Variants in TIAM1 observed in about 807,000 individuals in gnomAD.
TIAM1 encodes TIAM Rac1 associated GEF 1, also known as rho guanine nucleotide exchange factor TIAM1.
In TIAM1, 65 loss-of-function variants were observed where a neutral mutation model predicts 163.5. The observed-to-expected ratio is 0.40, with a 90% CI of 0.33 to 0.49. The LOEUF (loss-of-function observed/expected upper bound fraction) is 0.49, where lower values mean the gene tolerates loss of function less well. TIAM1 is among the 20% of genes least tolerant of loss of function. The pLI, the probability that TIAM1 is intolerant of heterozygous loss-of-function variation, is 0.77. For synonymous variants in TIAM1, 833 were observed against 810.1 expected (o/e 1.03, Z -0.48); for missense variants, 1,789 against 2,044.7 (o/e 0.87, Z 2.41).
intron 13 of TIAM1, among the ~76,000 whole-genome samples, chr21:31,194,069 C>A (rs938379874): frequency 2.0e-5 from 3 of 152,128 alleles, no homozygotes; most frequent in Non-Finnish European, 2.9e-5. Context: ...CATTCCGCCG[C>A]TGGCCGGAAG....
chr21:31,292,167 G>A (rs770908620), intron 2 of TIAM1, among the ~76,000 whole-genome samples: 4 of 152,162 alleles, frequency 2.6e-5, no homozygotes, highest in Non-Finnish European at 5.9e-5. Context: ...CTGCAGGTTT[G>A]TGCTGGGAAT....
intron 15 of TIAM1, among the ~76,000 whole-genome samples, chr21:31,178,628 A>G (rs2084877874): frequency 6.6e-6 from 1 of 151,684 alleles, no homozygotes; most frequent in Non-Finnish European, 1.5e-5. Flanking sequence ...GAAATTTACT[A>G]ATTTTGAAGC....
At chr21:31,228,227 A>T (rs2088126569) in intron 6 of TIAM1, among the ~76,000 whole-genome samples, 2 of 25,810 alleles carry the variant, frequency 7.7e-5, no homozygotes, top group Non-Finnish European at 1.4e-4. Context: ...TTTTAAAAAA[A>T]AAAAAAAAAA....
intron 1 of TIAM1, among the ~76,000 whole-genome samples, chr21:31,519,831 G>T (rs952225261): frequency 1.3e-5 from 2 of 152,162 alleles, no homozygotes; most frequent in African/African-American, 2.4e-5. Context: ...ACTTACATGA[G>T]GTCCCTAGAG....
intron 2 of TIAM1, among the ~76,000 whole-genome samples, chr21:31,386,073 G>T (rs1310461721): frequency 6.6e-6 from 1 of 152,018 alleles, no homozygotes; most frequent in Admixed American, 6.6e-5. Context: ...AAGCAAGGAC[G>T]AAGGTGGTGG....
intron 22 of TIAM1, among the ~76,000 whole-genome samples, chr21:31,137,706 T>C (rs536209961): frequency 1.3e-5 from 2 of 151,378 alleles, no homozygotes; most frequent in African/African-American, 4.9e-5. Context: ...CCGGATGACT[T>C]TGGGTGTAGG....
intron 2 of TIAM1, among the ~76,000 whole-genome samples, chr21:31,361,339 T>C (rs1270100579): frequency 6.6e-6 from 1 of 152,294 alleles, no homozygotes; most frequent in African/African-American, 2.4e-5. Flanking sequence ...AAGCACTAAA[T>C]GTGAGACAAG....
chr21:31,522,201 A>T (rs2047623392), intron 1 of TIAM1, among the ~76,000 whole-genome samples: 1 of 151,548 alleles, frequency 6.6e-6, no homozygotes, highest in East Asian at 2.0e-4. Context: ...TATTCTTAAT[A>T]ATTTTTAATT....
intron 16 of TIAM1, among the ~76,000 whole-genome samples, chr21:31,156,644 C>T (rs1280993769): frequency 1.3e-5 from 2 of 152,038 alleles, no homozygotes; most frequent in East Asian, 3.9e-4. Context: ...TCCATTTTAG[C>T]AAAAAATCTT....
At chr21:31,311,265 T>C (rs2074920111) in intron 2 of TIAM1, among the ~76,000 whole-genome samples, 1 of 152,108 alleles carries the variant, frequency 6.6e-6, no homozygotes, top group South Asian at 2.1e-4. Flanking sequence ...AGGGCCTGGA[T>C]TGGGCTGCCA....
At chr21:31,394,704 T>TCG (rs2077025525) in intron 2 of TIAM1, among the ~76,000 whole-genome samples, 3 of 93,560 alleles carry the variant, frequency 3.2e-5, no homozygotes, top group South Asian at 7.8e-4. Flanking sequence ...TCTCTCTCTC[T>TCG]CTCGCTCTCT....
intron 22 of TIAM1, 55 bp from the exon 23 acceptor site, chr21:31,136,096 T>G: frequency 7.0e-7 from 1 of 1,433,164 alleles, no homozygotes; most frequent in Non-Finnish European, 9.7e-7. Flanking sequence ...ATACTCAGAT[T>G]TTCATGATGT....
intron 1 of TIAM1, among the ~76,000 whole-genome samples, chr21:31,501,586 TTTTG>T (rs61313235): frequency 0.41 from 61,736 of 150,566 alleles, 13,239 homozygotes; most frequent in African/African-American, 0.52. Flanking sequence ...ATGAAGTGGT[TTTTG>T]TTTGTTTGTT....
chr21:31,141,110 A>G lies in TIAM1; in HGVS notation c.3774+8T>C. ...TGACAGATGTCCTGAGAAGATGGGG[A>G]CCCTCACCTCTTTTTTCTCACCAGT... On this transcript the variant is annotated splice_region_variant and intron_variant, in intron 22 of 27. Coordinates refer to ENST00000541036, the MANE Select transcript of TIAM1 (RefSeq NM_001353694.2). This position sits in a 1 kb window ranked among gnomAD's most constrained non-coding sequence, Gnocchi z 4.7. The G allele has an allele frequency of 1.3e-6, 2 of 1,584,496 alleles. No individual in the cohort carries two copies. Among genetic ancestry groups the G allele is most frequent in the Non-Finnish European group, 1.7e-6 (2 of 1,154,970 alleles).
chr21:31,388,397 T>C (rs1254593350), intron 2 of TIAM1, among the ~76,000 whole-genome samples: 1 of 151,746 alleles, frequency 6.6e-6, no homozygotes, highest in African/African-American at 2.4e-5. Flanking sequence ...GCCCAACACT[T>C]TGGGAGGCTG....
At position 31,237,682 on chromosome 21, in the gene TIAM1, T is replaced by C. The variant is rs907671660; in HGVS notation, c.1584+7806A>G. Among the ~76,000 whole-genome samples, 13 of 152,336 alleles carry C rather than the reference T, an allele frequency of 8.5e-5. No individual in the cohort carries two copies. In the South Asian group the frequency reaches 1.4e-3, roughly 17 times the overall value. On this transcript the variant is annotated intron_variant, in intron 6 of 27. Coordinates refer to ENST00000541036, the MANE Select transcript of TIAM1 (RefSeq NM_001353694.2). ...AGAAAAGGCAATCAATTCCTAGAGA[T>C]AACATTTTCTATACCCCTTTAGATA...
rs1000923971 is a variant in TIAM1, at chr21:31,118,642, G to A, written c.*1726C>T. On this transcript the variant is annotated 3_prime_UTR_variant, in exon 28 of 28. Coordinates refer to ENST00000541036, the MANE Select transcript of TIAM1 (RefSeq NM_001353694.2). Reference sequence around the variant, plus strand: ...TTGCACTGGAGCCAGTAAATGCGACGATTAGAAGCCTCTGCTTCCGTTTTC... The same window carrying A: ...TTGCACTGGAGCCAGTAAATGCGACAATTAGAAGCCTCTGCTTCCGTTTTC... 1.3e-5 allele frequency: 6 copies of A among 471,026 alleles called. No homozygotes were observed. The highest frequency in any genetic ancestry group is 4.0e-5 in the African/African-American group (2 of 50,036). The allele number at this position is 471,026 out of a possible 1,614,324, so 29.2% of individuals were successfully genotyped here. A position where few individuals can be genotyped will look rare whatever the true frequency, so the allele number is the denominator to read the frequency against.
At chr21:31,182,324 A>G (rs1424809767) in intron 15 of TIAM1, 97 bp downstream of exon 15, 8 of 1,024,658 alleles carry the variant, frequency 7.8e-6, no homozygotes, top group African/African-American at 1.6e-5. Context: ...CCTGCCAGAC[A>G]GAGGCACTCA....
chr21:31,509,963 C>T lies in TIAM1; in HGVS notation c.-421-45928G>A, dbSNP rs746708943. On this transcript the variant is annotated intron_variant, in intron 1 of 28. Coordinates refer to the TIAM1 transcript ENST00000286827. The stretch of plus-strand genomic sequence containing the variant: ...GGCAGAAAAGACATGAAAATCACAA[C>T]CCCAGACCAGAACTAGCATCTTTTA... Among the ~76,000 whole-genome samples, 38 of 152,318 alleles carry T rather than the reference C, an allele frequency of 2.5e-4. No homozygotes were observed. In the Middle Eastern group the frequency reaches 0.02, roughly 82 times the overall value.
Sources: gnomAD v4.1 joint callset for allele counts (sites outside exome capture counted in the v4.1 genomes callset) on GRCh38, gnomAD v4.1.1 for gene constraint, Gnocchi (gnomAD v3.1) non-coding constraint, MANE v1.5 for transcripts, NCBI Gene and HGNC (gene_info 2026-07-23, HGNC 2026-07-21) for gene names.